The following DEDD variants were observed in gnomAD, a reference collection of about 807,000 sequenced individuals.
DEDD encodes the protein death effector domain containing, also known as death effector domain-containing protein.
DEDD carries 3 observed loss-of-function variants against 29.2 expected under a neutral mutation model. That is an observed-to-expected ratio of 0.10 (90% CI 0.05 to 0.27). The LOEUF (loss-of-function observed/expected upper bound fraction) is 0.27. Ranked by LOEUF, DEDD falls within the 10% of genes least tolerant of loss-of-function variation. DEDD has a pLI of 1.00. For missense variants in DEDD, 261 were observed against 420.5 expected (o/e 0.62, Z 3.32); for synonymous variants, 152 against 161.3 (o/e 0.94, Z 0.44).
rs1313481031 is a variant in DEDD, at chr1:161,124,476, G to A, written c.-14C>T. 10 of 1,590,386 alleles carry A rather than the reference G, an allele frequency of 6.3e-6. No homozygotes were observed. The highest frequency in any genetic ancestry group is 7.7e-6 in the Non-Finnish European group (9 of 1,164,232). The stretch of plus-strand genomic sequence containing the variant: ...TAGGCCCGCCATGCTGGGGGCTCAG[G>A]TACGCAATGCTTTCCAGAATCCCTG... On this transcript the variant is annotated 5_prime_UTR_variant, in exon 3 of 6. Coordinates refer to ENST00000368006, the MANE Select transcript of DEDD (RefSeq NM_032998.3).
At position 161,121,922 on chromosome 1, in the gene DEDD, C is replaced by A. The variant is rs980741113; in HGVS notation, c.*225G>T. On this transcript the variant is annotated 3_prime_UTR_variant, in exon 6 of 6. Transcript: ENST00000368006. ...CAGTGGTAAGGTAGCTGTAGAGACA[C>A]ATTACGGGGTAAATGGAAAAGGGAA... 5 of 553,054 alleles carry A rather than the reference C, an allele frequency of 9.0e-6. No homozygotes were observed. Among genetic ancestry groups the A allele is most frequent in the Non-Finnish European group, 1.6e-5 (5 of 316,112 alleles). The allele number at this position is 553,054 out of a possible 1,614,324, so 34.3% of individuals were successfully genotyped here.
At position 161,122,070 on chromosome 1, in the gene DEDD, G is replaced by A. The variant is rs984835123; in HGVS notation, c.*77C>T. The A allele has an allele frequency of 1.0e-5, 15 of 1,502,258 alleles. 1 individual carries two copies. Among genetic ancestry groups the A allele is most frequent in the African/African-American group, 1.4e-5 (1 of 71,770 alleles). 93.1% of individuals were successfully genotyped at this position (1,502,258 alleles called of 1,614,324 possible). The stretch of plus-strand genomic sequence containing the variant: ...AGGGGTGTGATTGGTTGGAAGGGTA[G>A]AGAACAAACCCCAGAACAGTGTAAG... On this transcript the variant is annotated 3_prime_UTR_variant, in exon 6 of 6. Transcript: ENST00000368006. This position sits in a 1 kb window ranked among gnomAD's most constrained non-coding sequence, Gnocchi z 4.2.
At position 161,121,735 on chromosome 1, in the gene DEDD, T is replaced by C. The variant is rs1401736791; in HGVS notation, c.*412A>G. The C allele has an allele frequency of 1.2e-5, 2 of 163,780 alleles. No homozygotes were observed. The highest frequency in any genetic ancestry group is 3.1e-4 in the South Asian group (2 of 6,412). The allele number at this position is 163,780 out of a possible 1,614,324, so 10.1% of individuals were successfully genotyped here. A position where few individuals can be genotyped will look rare whatever the true frequency, so the allele number is the denominator to read the frequency against. The stretch of plus-strand genomic sequence containing the variant: ...AGTCCCACTTTCCACATAGCTCCCT[T>C]ACTCACAGCCCTTTGGTTTTTTAGA... On this transcript the variant is annotated 3_prime_UTR_variant, in exon 6 of 6. Coordinates refer to ENST00000368006, the MANE Select transcript of DEDD (RefSeq NM_032998.3).
intron 1 of DEDD, chr1:161,131,056 A>G (rs1656625591): frequency 6.6e-6 from 1 of 152,176 alleles, no homozygotes; most frequent in Non-Finnish European, 1.5e-5. Flanking sequence ...AATTTACAAA[A>G]ACAATACCAA....
chr1:161,129,573 G>T (rs1656503168), intron 2 of DEDD, among the ~76,000 whole-genome samples: 1 of 148,842 alleles, frequency 6.7e-6, no homozygotes, highest in Admixed American at 6.7e-5. Flanking sequence ...TGAAAGTTCA[G>T]CTGATTAGTA....
Position 161,124,514 on chromosome 1 carries a change from A to G in DEDD, c.-52T>C, listed in dbSNP as rs761781755. Reference sequence around the variant, plus strand: ...TCCAGAATCCCTGCTCAGCAGCTGCAATCCCCACCGTACTGAAAGGGCAGG... The same window carrying G: ...TCCAGAATCCCTGCTCAGCAGCTGCGATCCCCACCGTACTGAAAGGGCAGG... On this transcript the variant is annotated 5_prime_UTR_variant, in exon 3 of 6. Coordinates refer to ENST00000368006, the MANE Select transcript of DEDD (RefSeq NM_032998.3). The G allele has an allele frequency of 1.3e-5, 20 of 1,560,540 alleles. No individual in the cohort carries two copies. The highest frequency in any genetic ancestry group is 1.7e-5 in the Non-Finnish European group (19 of 1,148,978).
At chr1:161,123,734 G>A in intron 4 of DEDD, 105 bp downstream of exon 4, 2 of 1,003,888 alleles carry the variant, frequency 2.0e-6, no homozygotes, top group Non-Finnish European at 1.5e-6. Flanking sequence ...GGCAAGATGT[G>A]GGCGCACAGC....
Position 161,121,114 on chromosome 1 carries a change from T to C in DEDD, c.*1033A>G, listed in dbSNP as rs750301722. The C allele has an allele frequency of 7.3e-5, 82 of 1,128,096 alleles. No homozygotes were observed. Among genetic ancestry groups the C allele is most frequent in the Non-Finnish European group, 8.2e-5 (75 of 913,988 alleles). 69.9% of individuals were successfully genotyped at this position (1,128,096 alleles called of 1,614,324 possible). On this transcript the variant is annotated 3_prime_UTR_variant, in exon 6 of 6. Transcript: ENST00000368006. ...GGAACTAGAAGGGGAGTTGGTATTG[T>C]ACCAGCTGGACTAAGCTCCAGTTCT... is the stretch of plus-strand genomic sequence containing the variant.
Position 161,122,903 on chromosome 1 carries a change from C to T in DEDD, c.580+172G>A. On this transcript the variant is annotated intron_variant, in intron 5 of 5. Transcript: ENST00000368006. This position sits in a 1 kb window ranked among gnomAD's most constrained non-coding sequence, Gnocchi z 4.2. ...CTAACAAGAGTTGAAATGTACCCTG[C>T]CACAATCATAAAGAGCAGTTCTTCC... The T allele has an allele frequency of 3.2e-6, 4 of 1,239,448 alleles. No individual in the cohort carries two copies. The highest frequency in any genetic ancestry group is 1.2e-6 in the Non-Finnish European group (1 of 853,528). 76.8% of individuals were successfully genotyped at this position (1,239,448 alleles called of 1,614,324 possible).
Position 161,122,978 on chromosome 1 carries a change from A to G in DEDD, c.580+97T>C. 1 of 1,611,762 alleles carries G rather than the reference A, an allele frequency of 6.2e-7. No homozygotes were observed. The highest frequency in any genetic ancestry group is 1.7e-5 in the Admixed American group (1 of 60,030). ...CACTTTGCAATGGCAATCAAAGTGAATCTCACACTGAATAGCATAAACTGC... is the reference window on the plus strand; with the variant it reads ...CACTTTGCAATGGCAATCAAAGTGAGTCTCACACTGAATAGCATAAACTGC... On this transcript the variant is annotated intron_variant, in intron 5 of 5. Coordinates refer to ENST00000368006, the MANE Select transcript of DEDD (RefSeq NM_032998.3). The surrounding 1 kb of genome is among the most constrained non-coding windows in gnomAD (Gnocchi z 4.2).
chr1:161,123,760 C>G, intron 4 of DEDD, 79 bp downstream of exon 4: 1 of 1,299,460 alleles, frequency 7.7e-7, no homozygotes, highest in East Asian at 2.3e-5. Flanking sequence ...TTCATTTAAG[C>G]TGGCAAAGCC....
chr1:161,128,875 T>C (rs775085667), intron 2 of DEDD, among the ~76,000 whole-genome samples: 22 of 152,112 alleles, frequency 1.4e-4, no homozygotes, highest in Non-Finnish European at 2.6e-4. Flanking sequence ...ACTAAGGTGT[T>C]TCATGCCACT....
chr1:161,124,079 C>T (rs1285567031), intron 3 of DEDD, 59 bp downstream of exon 3: 8 of 1,582,186 alleles, frequency 5.1e-6, no homozygotes, highest in Non-Finnish European at 6.9e-6. Context: ...GACGCCTATG[C>T]TGCTCCTTCC....
chr1:161,131,872 T>G (rs189421017), intron 1 of DEDD, among the ~76,000 whole-genome samples: 63 of 152,110 alleles, frequency 4.1e-4, no homozygotes, highest in Non-Finnish European at 7.8e-4. Flanking sequence ...CTATCACCCG[T>G]GCAGCTCCAC....
chr1:161,125,474 C>T (rs1283409010), intron 2 of DEDD: 1 of 152,112 alleles, frequency 6.6e-6, no homozygotes, highest in African/African-American at 2.4e-5. Context: ...GCCATTTGTA[C>T]TCCCTTGATC....
At chr1:161,132,105 CCT>C (rs928621421) in intron 1 of DEDD, 8 of 152,830 alleles carry the variant, frequency 5.2e-5, no homozygotes, top group African/African-American at 1.9e-4. Context: ...CCTTTACCCA[CCT>C]CCTCGCAACA....
chr1:161,123,303 C>A, intron 4 of DEDD, 82 bp from the exon 5 acceptor site: 1 of 1,342,606 alleles, frequency 7.4e-7, no homozygotes. Context: ...AGGAAGGAAT[C>A]ATTTAGACTT....
rs1460444528 is a variant in DEDD, at chr1:161,124,457, C to T, written c.6G>A (p.Ala2=). 7 of 1,600,014 alleles carry T rather than the reference C, an allele frequency of 4.4e-6. No individual in the cohort carries two copies. Among genetic ancestry groups the T allele is most frequent in the African/African-American group, 1.3e-5 (1 of 74,836 alleles). M[A]GLKRRASQVW... Reference sequence around the variant, plus strand: ...CCTGGCTTGCCCGCCGCTTTAGGCCCGCCATGCTGGGGGCTCAGGTACGCA... The same window carrying T: ...CCTGGCTTGCCCGCCGCTTTAGGCCTGCCATGCTGGGGGCTCAGGTACGCA... The change falls in exon 3 of 6, where the codon GCG becomes GCA. Residue 2 remains alanine, a synonymous_variant. Coordinates refer to ENST00000368006, the MANE Select transcript of DEDD (RefSeq NM_032998.3).
intron 1 of DEDD, among the ~76,000 whole-genome samples, chr1:161,131,846 G>C (rs978180222): frequency 1.3e-5 from 2 of 151,728 alleles, no homozygotes; most frequent in Non-Finnish European, 2.9e-5. Context: ...CCGGGGAAAG[G>C]GAAACCCCCG....
Sources: gnomAD v4.1 joint callset for allele counts (sites outside exome capture counted in the v4.1 genomes callset) on GRCh38, gnomAD v4.1.1 for gene constraint, Gnocchi (gnomAD v3.1) non-coding constraint, MANE v1.5 for transcripts, NCBI Gene and HGNC (gene_info 2026-07-23, HGNC 2026-07-21) for gene names.